MREG: variants seen among roughly 807,000 people sequenced by gnomAD.
MREG encodes the protein dilute suppressor protein homolog.
In MREG, 31 loss-of-function variants were observed where a neutral mutation model predicts 28.5. The observed-to-expected ratio is 1.09, with a 90% CI of 0.82 to 1.47. The LOEUF (loss-of-function observed/expected upper bound fraction) is 1.47, where lower values mean the gene tolerates loss of function less well. Ranked by LOEUF, MREG falls within the 40% of genes most tolerant of loss-of-function variation. The pLI, the probability that MREG is intolerant of heterozygous loss-of-function variation, is 0.00. For missense variants in MREG, 256 were observed against 257.4 expected (o/e 0.99, Z 0.04); for synonymous variants, 106 against 95.2 (o/e 1.11, Z -0.66).
chr2:215,958,250 G>C (rs896690848), intron 2 of MREG, among the ~76,000 whole-genome samples: 57 of 150,284 alleles, frequency 3.8e-4, no homozygotes, highest in African/African-American at 1.4e-3. Flanking sequence ...AAAACTTAAA[G>C]TATAATAATA....
chr2:215,956,592 G>A (rs1226376704), intron 2 of MREG, among the ~76,000 whole-genome samples: 1 of 152,166 alleles, frequency 6.6e-6, no homozygotes, highest in East Asian at 1.9e-4. Flanking sequence ...AGGCTGGAGT[G>A]CAGTGGCATG....
chr2:216,012,024 A>C (rs1430467652), intron 1 of MREG, among the ~76,000 whole-genome samples: 3 of 152,214 alleles, frequency 2.0e-5, no homozygotes, highest in African/African-American at 7.2e-5. Context: ...TTATATATAT[A>C]ATATACATGA....
chr2:216,007,888 AT>A (rs1694202914), intron 1 of MREG, among the ~76,000 whole-genome samples: 1 of 152,132 alleles, frequency 6.6e-6, no homozygotes, highest in African/African-American at 2.4e-5. Flanking sequence ...TTCAATGTTG[AT>A]AGAGCAACAA....
At chr2:215,989,622 C>T (rs761046886) in intron 2 of MREG, among the ~76,000 whole-genome samples, 18 of 151,878 alleles carry the variant, frequency 1.2e-4, no homozygotes, top group Non-Finnish European at 2.5e-4. Context: ...TGTTCTAACC[C>T]AATGCAAGGA....
At position 215,943,580 on chromosome 2, in the gene MREG, G is replaced by C; in HGVS notation, c.*1283C>G. On this transcript the variant is annotated 3_prime_UTR_variant, in exon 5 of 5. Transcript: ENST00000263268. ...GGCTTGGCCGGGCGCGGTGACTCAC[G>C]CCTGTAATCCCAGCACTTTGGGAGG... 2.3e-6 allele frequency: 1 copy of C among 440,838 alleles called. No homozygotes were observed. The highest frequency in any genetic ancestry group is 4.6e-6 in the Non-Finnish European group (1 of 218,368). 27.3% of individuals were successfully genotyped at this position (440,838 alleles called of 1,614,324 possible).
downstream of MREG, chr2:215,941,825 C>T (rs1046722736): frequency 6.6e-6 from 1 of 152,204 alleles, no homozygotes; most frequent in African/African-American, 2.4e-5. Flanking sequence ...AAGCTCTCTG[C>T]AGGAATCCTT....
At chr2:215,942,419 T>A (rs1468512900), downstream of MREG, among the ~76,000 whole-genome samples, 1 of 152,164 alleles carries the variant, frequency 6.6e-6, no homozygotes, top group Non-Finnish European at 1.5e-5. Context: ...TCTCATGCAC[T>A]GCCATGTCCA....
At chr2:215,974,343 C>T (rs577629721) in intron 2 of MREG, among the ~76,000 whole-genome samples, 1 of 152,266 alleles carries the variant, frequency 6.6e-6, no homozygotes, top group Admixed American at 6.5e-5. Flanking sequence ...CAGGTCTCAG[C>T]CCACATCAGA....
chr2:216,002,200 A>T (rs1460182639), intron 1 of MREG, among the ~76,000 whole-genome samples: 1 of 152,170 alleles, frequency 6.6e-6, no homozygotes, highest in Non-Finnish European at 1.5e-5. Flanking sequence ...GTAGGGTAAG[A>T]TTTCACCCTT....
chr2:216,008,829 C>G (rs1316366225), intron 1 of MREG, among the ~76,000 whole-genome samples: 1 of 152,162 alleles, frequency 6.6e-6, no homozygotes, highest in South Asian at 2.1e-4. Context: ...GTCACAAGCA[C>G]TAAGCCCAAT....
intron 2 of MREG, among the ~76,000 whole-genome samples, chr2:215,958,120 G>T (rs188476008): frequency 6.9e-6 from 1 of 144,546 alleles, no homozygotes; most frequent in East Asian, 2.2e-4. Context: ...GTGGAGGGAG[G>T]GGGGAGGGAT....
chr2:215,992,235 G>C (rs888125129), intron 2 of MREG, among the ~76,000 whole-genome samples: 18 of 152,270 alleles, frequency 1.2e-4, no homozygotes, highest in African/African-American at 4.3e-4. Context: ...TGCAAGGCTG[G>C]TTCAACATAT....
At chr2:216,007,781 A>G (rs1694200179) in intron 1 of MREG, among the ~76,000 whole-genome samples, 2 of 149,990 alleles carry the variant, frequency 1.3e-5, no homozygotes, top group Admixed American at 1.3e-4. Flanking sequence ...TGGCAATTTC[A>G]CTGTTTAGAA....
Position 215,947,105 on chromosome 2 carries a change from C to T in MREG, c.264G>A (p.Gln88=). The T allele has an allele frequency of 1.2e-6, 2 of 1,610,506 alleles. No homozygotes were observed. The highest frequency in any genetic ancestry group is 1.7e-6 in the Non-Finnish European group (2 of 1,177,298). ...GGGTATGGATATCATAGTTGAGCTTCTGCCACTCCTGCAGGAAAATAAAAG... is the reference window on the plus strand; with the variant it reads ...GGGTATGGATATCATAGTTGAGCTTTTGCCACTCCTGCAGGAAAATAAAAG... ...NQQAKDSEEW[Q]KLNYDIHTLR... The change falls in exon 3 of 5, where the codon CAG becomes CAA. Residue 88 remains glutamine, a synonymous_variant. Coordinates refer to ENST00000263268, the MANE Select transcript of MREG (RefSeq NM_018000.3).
intron 2 of MREG, among the ~76,000 whole-genome samples, chr2:215,948,258 C>G (rs1228269720): frequency 2.0e-5 from 3 of 152,220 alleles, no homozygotes; most frequent in African/African-American, 7.2e-5. Flanking sequence ...AAAAGAAAAG[C>G]TAGCAAAACA....
intron 2 of MREG, among the ~76,000 whole-genome samples, chr2:215,963,240 A>T (rs1447623199): frequency 6.6e-6 from 1 of 151,998 alleles, no homozygotes; most frequent in Non-Finnish European, 1.5e-5. Flanking sequence ...CGGATGGATC[A>T]CTTGATCTCA....
chr2:215,953,463 C>T (rs1025559882), intron 2 of MREG, among the ~76,000 whole-genome samples: 2 of 152,176 alleles, frequency 1.3e-5, no homozygotes, highest in African/African-American at 2.4e-5. Context: ...ATTGGTTCAG[C>T]GATGGGCACA....
rs575196541 is a variant in MREG at position 215,945,798 on chromosome 2, G to A, written c.347-64C>T. On this transcript the variant is annotated intron_variant, in intron 3 of 4. Transcript: ENST00000263268. Reference sequence around the variant, plus strand: ...CAAGTTAACAAGTGTTCCGCAATACGGTCCCTGCAGGAGATTACGAACAGA... The same window carrying A: ...CAAGTTAACAAGTGTTCCGCAATACAGTCCCTGCAGGAGATTACGAACAGA... 1,732 of 1,398,856 alleles carry A rather than the reference G, an allele frequency of 1.2e-3. 14 individuals carry two copies. Among genetic ancestry groups the A allele is most frequent in the Middle Eastern group, 0.012 (69 of 5,598 alleles). The allele number at this position is 1,398,856 out of a possible 1,614,324, so 86.7% of individuals were successfully genotyped here. A position where few individuals can be genotyped will look rare whatever the true frequency, so the allele number is the denominator to read the frequency against.
At chr2:216,010,860 A>C (rs577930346) in intron 1 of MREG, among the ~76,000 whole-genome samples, 6 of 151,260 alleles carry the variant, frequency 4.0e-5, no homozygotes, top group Non-Finnish European at 7.4e-5. Context: ...CTTTGGGGAG[A>C]CCGAGGCAGG....
Sources: allele counts gnomAD v4.1 joint callset (sites outside exome capture counted in the v4.1 genomes callset), GRCh38; gene constraint gnomAD v4.1.1; transcripts MANE v1.5; gene names NCBI Gene and HGNC (gene_info 2026-07-23, HGNC 2026-07-21).